NCKAP1: variants seen among roughly 807,000 people sequenced by gnomAD.
NCKAP1 encodes the protein NCK associated protein 1.
NCKAP1 carries 21 observed loss-of-function variants against 151.2 expected under a neutral mutation model. The ratio of observed to expected loss-of-function variants is 0.14; its 90% CI spans 0.10 to 0.20. The LOEUF is 0.20. Among genes scored for constraint, NCKAP1 ranks in the 10% least tolerant of loss-of-function variants. NCKAP1 has a pLI of 1.00. For missense variants in NCKAP1, 933 were observed against 1,352.1 expected (o/e 0.69, Z 4.86); for synonymous variants, 484 against 451.8 (o/e 1.07, Z -0.90).
Position 182,981,335 on chromosome 2 carries a change from G to A in NCKAP1, c.1250C>T (p.Ala417Val). 1 of 1,612,994 alleles carries A rather than the reference G, an allele frequency of 6.2e-7. No homozygotes were observed. The highest frequency in any genetic ancestry group is 8.5e-7 in the Non-Finnish European group (1 of 1,179,202). The change falls in exon 13 of 31, where the codon GCA (alanine) becomes GTA (valine). Residue 417 changes from alanine (A) to valine (V), a missense_variant. Around this residue, in one of 2 missense-constraint regions of NCKAP1, gnomAD observed 607 missense variants for 795.0 expected, o/e 0.76. Coordinates refer to ENST00000361354, the MANE Select transcript of NCKAP1 (RefSeq NM_013436.5). ...TACAGGTCCGTATTTCCTCACATGT[G>A]CTCTAAGTTCTTCCATGTAAAATAT... ...ELIFYMEELRAHVRKYGPVMQ... is the reference protein window; with the variant it reads ...ELIFYMEELRVHVRKYGPVMQ...
intron 6 of NCKAP1, among the ~76,000 whole-genome samples, chr2:182,999,910 C>A (rs1698345522): frequency 6.6e-6 from 1 of 152,082 alleles, no homozygotes; most frequent in Non-Finnish European, 1.5e-5. Context: ...AAACGGAAAA[C>A]CAAATACTGA....
chr2:182,988,923 G>T, intron 9 of NCKAP1, 107 bp downstream of exon 9: 2 of 938,912 alleles, frequency 2.1e-6, no homozygotes, highest in Non-Finnish European at 3.2e-6. Context: ...GGTATAGGCT[G>T]TATCTTCCTG....
At chr2:182,984,337 G>GA (rs1014356779) in intron 10 of NCKAP1, among the ~76,000 whole-genome samples, 9 of 149,524 alleles carry the variant, frequency 6.0e-5, no homozygotes, top group Middle Eastern at 3.5e-3. Flanking sequence ...TTAACAGAAG[G>GA]AAAAAAAATC....
At chr2:182,977,182 A>G (rs1214110760) in intron 14 of NCKAP1, among the ~76,000 whole-genome samples, 1 of 152,168 alleles carries the variant, frequency 6.6e-6, no homozygotes, top group Non-Finnish European at 1.5e-5. Context: ...TGAATAAACA[A>G]AATGTAGTAT....
intron 15 of NCKAP1, among the ~76,000 whole-genome samples, chr2:182,972,243 AAAC>A (rs1320825802): frequency 6.0e-5 from 9 of 151,102 alleles, no homozygotes; most frequent in African/African-American, 1.2e-4. Flanking sequence ...AAAAAAAAAA[AAAC>A]AAAACTGATT....
intron 18 of NCKAP1, among the ~76,000 whole-genome samples, chr2:182,960,150 C>T (rs1206179586): frequency 2.0e-5 from 3 of 152,126 alleles, no homozygotes; most frequent in Non-Finnish European, 2.9e-5. Context: ...AAAATGGCTA[C>T]ACTGCCCAAG....
intron 26 of NCKAP1, among the ~76,000 whole-genome samples, chr2:182,933,091 T>A (rs915943029): frequency 2.6e-5 from 4 of 152,294 alleles, no homozygotes; most frequent in African/African-American, 9.6e-5. Flanking sequence ...AGTTCTCTGA[T>A]AACACTAAGA....
chr2:182,927,504 A>AT (rs1163646813), intron 29 of NCKAP1, among the ~76,000 whole-genome samples: 1 of 152,064 alleles, frequency 6.6e-6, no homozygotes, highest in African/African-American at 2.4e-5. Flanking sequence ...ATGCCATGGT[A>AT]TATCTTTCGT....
chr2:182,935,477 C>A, intron 24 of NCKAP1, 102 bp from the exon 25 acceptor site: 1 of 623,800 alleles, frequency 1.6e-6, no homozygotes, highest in Non-Finnish European at 2.6e-6. Flanking sequence ...AATAAAATTC[C>A]CATGATAAAA....
chr2:182,982,694 G>C (rs932063625), intron 12 of NCKAP1, 127 bp downstream of exon 12: 1 of 626,798 alleles, frequency 1.6e-6, no homozygotes, highest in Non-Finnish European at 2.7e-6. Flanking sequence ...AGTAATAATA[G>C]GTGTACTAAA....
intron 2 of NCKAP1, 102 bp downstream of exon 2, chr2:183,023,704 G>A: frequency 5.6e-6 from 5 of 893,322 alleles, no homozygotes; most frequent in Non-Finnish European, 6.9e-6. Context: ...ATATCAAAAT[G>A]TTAAAAATTA....
intron 10 of NCKAP1, among the ~76,000 whole-genome samples, chr2:182,984,423 G>GGGTATGTGTGTGTGTGTGTGT (rs984252600): frequency 6.9e-6 from 1 of 144,282 alleles, no homozygotes; most frequent in Non-Finnish European, 1.6e-5. Context: ...TTTAGATTGG[G>GGGTATGTGTGTGTGTGTGTGT]GTGTGTGTGT....
chr2:182,934,219 G>A (rs879892726), intron 26 of NCKAP1, among the ~76,000 whole-genome samples: 2 of 151,430 alleles, frequency 1.3e-5, no homozygotes, highest in Non-Finnish European at 1.5e-5. Flanking sequence ...CTCGCTACAC[G>A]CTCCGCCTCC....
In NCKAP1 at chr2:182,983,374, A is replaced by G. The variant is rs376081149; in HGVS notation, c.1013T>C (p.Met338Thr). 6.2e-7 allele frequency: 1 copy of G among 1,609,238 alleles called. No homozygotes were observed. Among genetic ancestry groups the G allele is most frequent in the Non-Finnish European group, 8.5e-7 (1 of 1,175,812 alleles). ...TAAAAACTTGCGTCTTTCTCTGTGCATTGAACCACTATGGGGAAAGACACC... is the reference window on the plus strand; with the variant it reads ...TAAAAACTTGCGTCTTTCTCTGTGCGTTGAACCACTATGGGGAAAGACACC... ...KEAAVSHAGSMHRERRKFLRS... is the reference protein window; with the variant it reads ...KEAAVSHAGSTHRERRKFLRS... Residue 338 changes from methionine to threonine, a missense_variant, in exon 11 of 31, where the codon ATG becomes ACG. Transcript: ENST00000361354.
intron 2 of NCKAP1, among the ~76,000 whole-genome samples, chr2:183,006,973 G>A (rs1467756340): frequency 6.6e-6 from 1 of 152,260 alleles, no homozygotes. Flanking sequence ...CCGAGTTCAA[G>A]CAATTCTTCT....
At chr2:183,008,003 T>G (rs1475133193) in intron 2 of NCKAP1, among the ~76,000 whole-genome samples, 1 of 152,220 alleles carries the variant, frequency 6.6e-6, no homozygotes, top group Non-Finnish European at 1.5e-5. Context: ...CTCGGCTCAC[T>G]GCAACCTCCT....
At chr2:183,023,421 T>C (rs1311333485) in intron 2 of NCKAP1, among the ~76,000 whole-genome samples, 1 of 152,156 alleles carries the variant, frequency 6.6e-6, no homozygotes, top group Non-Finnish European at 1.5e-5. Context: ...TACAGCTAAC[T>C]ACTTAAAACA....
chr2:183,025,070 GAAGAAA>G (rs1698870037), intron 1 of NCKAP1: 2 of 1,430,110 alleles, frequency 1.4e-6, no homozygotes, highest in East Asian at 4.8e-5. Flanking sequence ...ATACGTTTCA[GAAGAAA>G]ACTTATGCAC....
chr2:183,017,594 C>T (rs1334138860), intron 2 of NCKAP1, among the ~76,000 whole-genome samples: 3 of 152,146 alleles, frequency 2.0e-5, no homozygotes, highest in Non-Finnish European at 1.5e-5. Flanking sequence ...TACTACCACT[C>T]ATCTCCTGCT....
Sources: allele counts gnomAD v4.1 joint callset (sites outside exome capture counted in the v4.1 genomes callset), GRCh38; gene constraint gnomAD v4.1.1; regional missense constraint gnomAD v4.1.1; transcripts MANE v1.5; gene names NCBI Gene and HGNC (gene_info 2026-07-23, HGNC 2026-07-21).